SCAPER: variants seen among roughly 807,000 people sequenced by gnomAD.
SCAPER encodes S phase cyclin A-associated protein in the endoplasmic reticulum.
In SCAPER, 98 loss-of-function variants were observed where a neutral mutation model predicts 182.2. The observed-to-expected ratio is 0.54, with a 90% CI of 0.46 to 0.64. The LOEUF (loss-of-function observed/expected upper bound fraction) is 0.64. Ranked by LOEUF, SCAPER falls within the 30% of genes least tolerant of loss-of-function variation. The probability of loss-of-function intolerance (pLI) is 0.00; values close to 1 mark genes in which losing one functional copy is unlikely to be tolerated. For synonymous variants in SCAPER, 605 were observed against 564.6 expected (o/e 1.07, Z -1.01); for missense variants, 1,432 against 1,690.0 (o/e 0.85, Z 2.68).
chr15:76,681,299 A>C (rs1324309267), intron 20 of SCAPER, among the ~76,000 whole-genome samples: 1 of 152,248 alleles, frequency 6.6e-6, no homozygotes, highest in Non-Finnish European at 1.5e-5. Flanking sequence ...ATAATTATGC[A>C]TATTACAATA....
intron 8 of SCAPER, among the ~76,000 whole-genome samples, chr15:76,776,989 G>A (rs977937416): frequency 2.6e-5 from 4 of 152,154 alleles, no homozygotes; most frequent in Admixed American, 2.0e-4. Context: ...AAGAAAGTAA[G>A]TGAATCCCAA....
intron 23 of SCAPER, among the ~76,000 whole-genome samples, chr15:76,534,457 CA>C (rs2043955038): frequency 4.6e-5 from 7 of 152,028 alleles, no homozygotes. Flanking sequence ...ATATGAGAGG[CA>C]AAAGGATTAG....
chr15:76,822,242 G>GGCTAT (rs1196809845), intron 5 of SCAPER, among the ~76,000 whole-genome samples: 1 of 152,054 alleles, frequency 6.6e-6, no homozygotes, highest in African/African-American at 2.4e-5. Flanking sequence ...TAATGGAGGA[G>GGCTAT]GCTATGCATG....
chr15:76,858,345 G>A (rs558474070), intron 3 of SCAPER, among the ~76,000 whole-genome samples: 12 of 152,172 alleles, frequency 7.9e-5, no homozygotes, highest in East Asian at 7.7e-4. Flanking sequence ...ATTTCACTGC[G>A]AAAAGTGAGG....
intron 24 of SCAPER, among the ~76,000 whole-genome samples, chr15:76,485,554 CA>C (rs947892377): frequency 2.6e-5 from 4 of 151,942 alleles, no homozygotes; most frequent in African/African-American, 9.7e-5. Context: ...CATATGGAAT[CA>C]AAAAAAGAGT....
Position 76,704,678 on chromosome 15 carries a change from T to G in SCAPER, c.2247+1225A>C, listed in dbSNP as rs144940862. On this transcript the variant is annotated intron_variant, in intron 18 of 31. Coordinates refer to ENST00000563290, the MANE Select transcript of SCAPER (RefSeq NM_020843.4). Reference sequence around the variant, plus strand: ...AAGGGCTAATATCCAGAATCTACAATGAACTCAAACAAATTTACAAGAAAA... The same window carrying G: ...AAGGGCTAATATCCAGAATCTACAAGGAACTCAAACAAATTTACAAGAAAA... Among the ~76,000 whole-genome samples the G allele has an allele frequency of 9.1e-3, 1,378 of 152,136 alleles. 22 individuals carry two copies. The highest frequency in any genetic ancestry group is 0.032 in the African/African-American group (1,338 of 41,534).
intron 23 of SCAPER, among the ~76,000 whole-genome samples, chr15:76,535,521 C>CAAAAAAA (rs56660301): frequency 4.3e-5 from 2 of 46,638 alleles, no homozygotes; most frequent in African/African-American, 1.3e-4. Flanking sequence ...GACTCTGTCT[C>CAAAAAAA]AAAAAAAAAA....
intron 24 of SCAPER, among the ~76,000 whole-genome samples, chr15:76,488,911 T>C (rs1567251184): frequency 6.6e-6 from 1 of 150,424 alleles, no homozygotes; most frequent in South Asian, 2.1e-4. Context: ...TTAGTAGAGA[T>C]AGGGTTTTGC....
At chr15:76,376,866 C>G (rs113758001) in intron 28 of SCAPER, among the ~76,000 whole-genome samples, 1 of 152,172 alleles carries the variant, frequency 6.6e-6, no homozygotes, top group African/African-American at 2.4e-5. Flanking sequence ...ACAAAAAATT[C>G]TCCCTAAAAC....
chr15:76,440,918 GTTTTTTTTTTT>G (rs1187911987), intron 25 of SCAPER, among the ~76,000 whole-genome samples: 2 of 62,654 alleles, frequency 3.2e-5, no homozygotes, highest in African/African-American at 1.3e-4. Context: ...TTTTTTTTTT[GTTTTTTTTTTT>G]TTTTTTTTTG....
intron 26 of SCAPER, among the ~76,000 whole-genome samples, chr15:76,430,150 C>T (rs1014433215): frequency 1.3e-5 from 2 of 152,202 alleles, no homozygotes; most frequent in African/African-American, 4.8e-5. Flanking sequence ...GGAACCTACA[C>T]CTAGATTTCA....
intron 15 of SCAPER, among the ~76,000 whole-genome samples, chr15:76,744,919 TA>T (rs1567993460): frequency 6.6e-6 from 1 of 151,850 alleles, no homozygotes; most frequent in African/African-American, 2.4e-5. Context: ...TAGACTGGAT[TA>T]AAAAAAATGT....
At chr15:76,557,218 G>A (rs1198221850) in intron 23 of SCAPER, among the ~76,000 whole-genome samples, 1 of 151,836 alleles carries the variant, frequency 6.6e-6, no homozygotes, top group Non-Finnish European at 1.5e-5. Flanking sequence ...TCCTATCAAA[G>A]TACCAATGCC....
intron 1 of SCAPER, among the ~76,000 whole-genome samples, chr15:76,888,832 C>T (rs2074005607): frequency 1.3e-5 from 2 of 152,092 alleles, no homozygotes; most frequent in Non-Finnish European, 2.9e-5. Flanking sequence ...GAGAACACCA[C>T]AAACATACTC....
intron 4 of SCAPER, among the ~76,000 whole-genome samples, 190 bp downstream of exon 4, chr15:76,857,619 A>G (rs1001366229): frequency 2.6e-5 from 4 of 152,196 alleles, no homozygotes; most frequent in African/African-American, 9.6e-5. Flanking sequence ...AAACAAATTA[A>G]TATCTGTAAA....
intron 4 of SCAPER, among the ~76,000 whole-genome samples, chr15:76,857,526 T>C (rs943975077): frequency 6.6e-6 from 1 of 152,108 alleles, no homozygotes; most frequent in Non-Finnish European, 1.5e-5. Context: ...ACATGCCTTC[T>C]CTCTGTCTCA....
rs569180191 is a variant in SCAPER at position 76,413,449 on chromosome 15, C to T, written c.3312-8770G>A. On this transcript the variant is annotated intron_variant, in intron 26 of 31. Transcript: ENST00000563290. ...CATCTACTAAGATGATCTTAGTTTC[C>T]TTTTGTTGAGGTCAGTGCCAGGAGA... Among the ~76,000 whole-genome samples the T allele has an allele frequency of 2.4e-4, 36 of 152,094 alleles. 1 individual carries two copies. In the South Asian group the frequency reaches 3.9e-3, roughly 17 times the overall value.
At chr15:76,386,004 G>A (rs1192817272) in intron 27 of SCAPER, among the ~76,000 whole-genome samples, 1 of 152,194 alleles carries the variant, frequency 6.6e-6, no homozygotes, top group African/African-American at 2.4e-5. Context: ...GTTCCTTTTG[G>A]AGGATCCAGG....
At chr15:76,400,029 G>C (rs911677752) in intron 27 of SCAPER, among the ~76,000 whole-genome samples, 2 of 150,144 alleles carry the variant, frequency 1.3e-5, no homozygotes, top group African/African-American at 2.4e-5. Context: ...AAAGAGAAAA[G>C]AAAAGAAAAG....
Sources: gnomAD v4.1 joint callset for allele counts (sites outside exome capture counted in the v4.1 genomes callset) on GRCh38, gnomAD v4.1.1 for gene constraint, MANE v1.5 for transcripts, NCBI Gene and HGNC (gene_info 2026-07-23, HGNC 2026-07-21) for gene names.